The following KAT5 variants were observed in gnomAD, a reference collection of about 807,000 sequenced individuals.
The protein encoded by KAT5 is lysine acetyltransferase 5, also known as histone acetyltransferase KAT5.
Under a neutral mutation model 68.1 loss-of-function variants are expected in KAT5, and 31 were observed. The observed-to-expected ratio is 0.46, with a 90% CI of 0.34 to 0.61. KAT5 has a LOEUF of 0.61. Ranked by LOEUF, KAT5 falls within the 20% of genes least tolerant of loss-of-function variation. The pLI, the probability that KAT5 is intolerant of heterozygous loss-of-function variation, is 0.01. For synonymous variants in KAT5, 365 were observed against 292.6 expected (o/e 1.25, Z -2.52); for missense variants, 451 against 725.5 (o/e 0.62, Z 4.35).
At position 65,719,168 on chromosome 11, in the gene KAT5, G is replaced by A; in HGVS notation, c.1628G>A (p.Arg543Lys). 6.2e-7 allele frequency: 1 copy of A among 1,614,014 alleles called. No homozygotes were observed. Among genetic ancestry groups the A allele is most frequent in the Non-Finnish European group, 8.5e-7 (1 of 1,180,008 alleles). Reference sequence around the variant, plus strand: ...TTCACTCCCAAGGACTGGAGCAAGAGGGGGAAGTGGTGACCAGACACTGCC... The same window carrying A: ...TTCACTCCCAAGGACTGGAGCAAGAAGGGGAAGTGGTGACCAGACACTGCC... Reference protein sequence around the residue: ...LHFTPKDWSKRGKW With the variant: ...LHFTPKDWSKKGKW Residue 543 changes from arginine to lysine, a missense_variant, in exon 13 of 13, where the codon AGG becomes AAG. Transcript: ENST00000341318.
chr11:65,712,355 C>T lies in KAT5; in HGVS notation c.88C>T (p.Pro30Ser). ...GRARGPPVAD[P>S]GVALSPQGEI... is the part of the protein sequence containing the mutation. ...AGCCCGAGGCCCCCCAGTAGCCGAC[C>T]CTGGCGTCGCGCTGTCTCCCCAGGG... is the stretch of plus-strand genomic sequence containing the variant. Residue 30 changes from proline (P) to serine (S), a missense_variant, in exon 1 of 13, where the codon CCT (proline) becomes TCT (serine). By Grantham distance (74) the Pro-to-Ser change is moderately conservative. Around this residue, in one of 4 missense-constraint regions of KAT5, gnomAD observed 104 missense variants for 107.3 expected, o/e 0.97. Transcript: ENST00000341318. 1.3e-6 allele frequency: 2 copies of T among 1,537,356 alleles called. No individual in the cohort carries two copies. The highest frequency in any genetic ancestry group is 1.7e-6 in the Non-Finnish European group (2 of 1,152,814).
At chr11:65,712,682 G>GC in intron 1 of KAT5, 84 bp from the exon 2 acceptor site, 1 of 1,510,984 alleles carries the variant, frequency 6.6e-7, no homozygotes, top group Non-Finnish European at 9.2e-7. Context: ...TAGGGATCCG[G>GC]CCTGGGGGTG....
rs1857226213 is a variant in KAT5 at position 65,717,184 on chromosome 11, C to A, written c.1264+202C>A. ...CTTATCTGGGGTAGGTTCTCAGCCC[C>A]CCAGTTTGCTCCTTGGCCAGGGTTC... On this transcript the variant is annotated intron_variant, in intron 10 of 12. Transcript: ENST00000341318. 8.3e-6 allele frequency: 5 copies of A among 599,514 alleles called. No homozygotes were observed. The East Asian group carries it at 1.4e-4, about 17-fold the overall frequency. 37.1% of individuals were successfully genotyped at this position (599,514 alleles called of 1,614,324 possible). A position where few individuals can be genotyped will look rare whatever the true frequency, so the allele number is the denominator to read the frequency against.
chr11:65,714,269 T>C, intron 6 of KAT5: 1 of 590,102 alleles, frequency 1.7e-6, no homozygotes, highest in South Asian at 2.1e-5. Context: ...CCCTCCAGCC[T>C]GGGCGACAGA....
rs561719375 is a variant in KAT5 at position 65,716,511 on chromosome 11, G to A, written c.1030-156G>A. The A allele has an allele frequency of 2.8e-4, 189 of 674,264 alleles. No individual in the cohort carries two copies. In the African/African-American group the frequency reaches 2.8e-3, roughly 10 times the overall value. The allele number at this position is 674,264 out of a possible 1,614,324, so 41.8% of individuals were successfully genotyped here. On this transcript the variant is annotated intron_variant, in intron 8 of 12. Coordinates refer to ENST00000341318, the MANE Select transcript of KAT5 (RefSeq NM_182710.3). ...TGAGGAGCAGCCCTGCCTAAGCTGC[G>A]GGCTGGTGGAGTGGGTCAGGCCCAG...
intron 12 of KAT5, 25 bp downstream of exon 12, chr11:65,718,979 G>C (rs760736986): frequency 9.9e-5 from 159 of 1,613,996 alleles, no homozygotes; most frequent in Non-Finnish European, 1.3e-4. Context: ...AGGGGAGACA[G>C]GTGTGTGGGA....
In KAT5 at chr11:65,713,684, A is replaced by G; in HGVS notation, c.615+17A>G. The G allele has an allele frequency of 6.2e-7, 1 of 1,613,994 alleles. No individual in the cohort carries two copies. Among genetic ancestry groups the G allele is most frequent in the Non-Finnish European group, 8.5e-7 (1 of 1,179,928 alleles). ...TTTCCCCAGGTGAGTTCCCCAAACC[A>G]TCTCTTGTTCTCTTCCTCTCTTCTA... On this transcript the variant is annotated intron_variant, in intron 5 of 12. Coordinates refer to ENST00000341318, the MANE Select transcript of KAT5 (RefSeq NM_182710.3).
At chr11:65,713,227 C>T (rs1164177609) in intron 3 of KAT5, 121 bp from the exon 4 acceptor site, 2 of 1,310,980 alleles carry the variant, frequency 1.5e-6, no homozygotes, top group Non-Finnish European at 2.1e-6. Flanking sequence ...AGTAGCTAGT[C>T]CTGTGTCCTT....
intron 8 of KAT5, chr11:65,716,382 C>G (rs1238591279): frequency 3.2e-5 from 14 of 432,880 alleles, no homozygotes; most frequent in East Asian, 3.9e-5. Context: ...CTCTCCTGGT[C>G]AGGCTTAGAA....
At chr11:65,718,993 A>C (rs1857302686) in intron 12 of KAT5, 39 bp downstream of exon 12, 1 of 1,614,080 alleles carries the variant, frequency 6.2e-7, no homozygotes, top group Admixed American at 1.7e-5. Flanking sequence ...TGTGGGATGC[A>C]GAGTGCAGTC....
upstream of KAT5, chr11:65,712,207 C>A: frequency 3.6e-6 from 5 of 1,375,416 alleles, no homozygotes; most frequent in East Asian, 3.0e-5. Context: ...GCCCACAGGG[C>A]GCTCGGTCCC....
At position 65,717,242 on chromosome 11, in the gene KAT5, T is replaced by G. The variant is rs1169278651; in HGVS notation, c.1264+260T>G. 2.3e-5 allele frequency: 13 copies of G among 564,408 alleles called. No homozygotes were observed. The Admixed American group carries it at 3.1e-4, about 13-fold the overall frequency. 35.0% of individuals were successfully genotyped at this position (564,408 alleles called of 1,614,324 possible). A position where few individuals can be genotyped will look rare whatever the true frequency, so the allele number is the denominator to read the frequency against. On this transcript the variant is annotated intron_variant, in intron 10 of 12. Transcript: ENST00000341318. ...CACTCAGCTTTCCCCAAATCTGACTTACGTGCTCCTGCCTGGAGCCATGGG... is the reference window on the plus strand; with the variant it reads ...CACTCAGCTTTCCCCAAATCTGACTGACGTGCTCCTGCCTGGAGCCATGGG...
chr11:65,715,108 T>C lies in KAT5; in HGVS notation c.1029+198T>C, dbSNP rs549640732. On this transcript the variant is annotated intron_variant, in intron 8 of 12. Transcript: ENST00000341318. ...GCTTAGTCCATGGGAGAGACAGTCA[T>C]ACCAATGACCTCTAGCTCCCAGTGT... 1.3e-4 allele frequency: 77 copies of C among 600,862 alleles called. No homozygotes were observed. In the South Asian group the frequency reaches 1.4e-3, roughly 11 times the overall value. 37.2% of individuals were successfully genotyped at this position (600,862 alleles called of 1,614,324 possible). A position where few individuals can be genotyped will look rare whatever the true frequency, so the allele number is the denominator to read the frequency against.
In KAT5 at chr11:65,718,750, G is replaced by A. The variant is rs2135646256; in HGVS notation, c.1424+1G>A. The stretch of plus-strand genomic sequence containing the variant: ...GGGAGAGGCCACAGATCACCATCAA[G>A]TGAGCCTGGCGCTGTCTACCTGGGG... On this transcript the variant is annotated splice_donor_variant, in intron 11 of 12. Transcript: ENST00000341318. LOFTEE classifies it high-confidence loss of function. The A allele has an allele frequency of 6.2e-7, 1 of 1,614,228 alleles. No homozygotes were observed. Among genetic ancestry groups the A allele is most frequent in the Non-Finnish European group, 8.5e-7 (1 of 1,180,038 alleles).
intron 8 of KAT5, chr11:65,715,895 ACC>A (rs774460994): frequency 6.6e-6 from 1 of 151,574 alleles, no homozygotes; most frequent in South Asian, 2.1e-4. Flanking sequence ...ACATGGAGAA[ACC>A]CCCAGGTACT....
intron 6 of KAT5, 49 bp from the exon 7 acceptor site, chr11:65,714,446 C>T (rs748731605): frequency 8.2e-6 from 13 of 1,594,216 alleles, no homozygotes; most frequent in Non-Finnish European, 1.1e-5. Flanking sequence ...CTGTGGTGTC[C>T]TGCTGAGCTG....
intron 8 of KAT5, chr11:65,715,230 A>G (rs975692457): frequency 1.7e-5 from 6 of 361,116 alleles, no homozygotes; most frequent in Non-Finnish European, 2.7e-5. Context: ...GGTGGATGAC[A>G]AAGTGGCTGA....
Position 65,713,783 on chromosome 11 carries a change from G to C in KAT5, c.625G>C (p.Ala209Pro), listed in dbSNP as rs768864155. 8 of 1,610,822 alleles carry C rather than the reference G, an allele frequency of 5.0e-6. No homozygotes were observed. Among genetic ancestry groups the C allele is most frequent in the African/African-American group, 1.3e-5 (1 of 74,836 alleles). The change falls in exon 6 of 13, where the codon GCC becomes CCC. Residue 209 changes from alanine (A) to proline (P), a missense_variant. By Grantham distance (27) the Ala-to-Pro change is conservative (BLOSUM62 -1). Coordinates refer to ENST00000341318, the MANE Select transcript of KAT5 (RefSeq NM_182710.3). ...PASVFPQNGAARRAVAAQPGR... is the reference protein window; with the variant it reads ...PASVFPQNGAPRRAVAAQPGR... ...CCTACTATCTCGGCAGAATGGAGCC[G>C]CCCGTAGGGCAGTGGCAGCCCAGCC...
chr11:65,713,700 C>T (rs759128657), intron 5 of KAT5, 33 bp downstream of exon 5: 5 of 1,613,476 alleles, frequency 3.1e-6, no homozygotes, highest in East Asian at 2.2e-5. Flanking sequence ...TGTTCTCTTC[C>T]TCTCTTCTAC....
Sources: gnomAD v4.1 joint callset for allele counts on GRCh38, gnomAD v4.1.1 for gene constraint, gnomAD v4.1.1 regional missense constraint, MANE v1.5 for transcripts, NCBI Gene and HGNC (gene_info 2026-07-23, HGNC 2026-07-21) for gene names.